The following SUPT3H variants were observed in gnomAD, a reference collection of about 807,000 sequenced individuals.
The protein encoded by SUPT3H is transcription initiation protein SPT3 homolog.
Under a neutral mutation model 44.3 loss-of-function variants are expected in SUPT3H, and 44 were observed. That is an observed-to-expected ratio of 0.99 (90% CI 0.78 to 1.28). The LOEUF (loss-of-function observed/expected upper bound fraction) is 1.28. Among genes scored for constraint, SUPT3H ranks in the 50% most tolerant of loss-of-function variants. The pLI is 0.00. For missense variants in SUPT3H, 380 were observed against 387.1 expected (o/e 0.98, Z 0.15); for synonymous variants, 124 against 125.6 (o/e 0.99, Z 0.09).
At chr6:45,218,549 G>A (rs998749904) in intron 2 of SUPT3H, among the ~76,000 whole-genome samples, 3 of 152,166 alleles carry the variant, frequency 2.0e-5, no homozygotes, top group African/African-American at 7.2e-5. Context: ...GACCAACATG[G>A]AGAAACCCCA....
intron 6 of SUPT3H, among the ~76,000 whole-genome samples, chr6:44,996,430 T>C (rs1447232081): frequency 1.3e-5 from 2 of 151,898 alleles, no homozygotes; most frequent in East Asian, 1.9e-4. Context: ...TTTTAATAAT[T>C]TTTGTGTTTT....
At chr6:44,821,457 A>AC (rs1391499683) in intron 11 of SUPT3H, among the ~76,000 whole-genome samples, 1 of 151,166 alleles carries the variant, frequency 6.6e-6, no homozygotes, top group African/African-American at 2.4e-5. Flanking sequence ...AACTACTACT[A>AC]CCCCCCTCTC....
intron 10 of SUPT3H, among the ~76,000 whole-genome samples, chr6:44,850,055 T>A (rs1299093549): frequency 5.3e-5 from 8 of 152,178 alleles, no homozygotes; most frequent in Non-Finnish European, 1.0e-4. Flanking sequence ...AGAGTGGATA[T>A]GAGGCCAAGA....
chr6:44,885,847 C>A (rs1762178265), intron 10 of SUPT3H, among the ~76,000 whole-genome samples: 1 of 151,918 alleles, frequency 6.6e-6, no homozygotes, highest in Admixed American at 6.6e-5. Context: ...AAACCAAAGG[C>A]AAAGAAGGTG....
intron 6 of SUPT3H, among the ~76,000 whole-genome samples, chr6:44,991,347 G>A (rs540972006): frequency 2.0e-5 from 3 of 152,142 alleles, no homozygotes; most frequent in South Asian, 4.2e-4. Flanking sequence ...CCCATGCTAA[G>A]GAATTAAGAC....
intron 2 of SUPT3H, among the ~76,000 whole-genome samples, chr6:45,317,480 C>T (rs957289985): frequency 5.9e-5 from 9 of 151,958 alleles, no homozygotes; most frequent in African/African-American, 9.7e-5. Context: ...CAGCATGGTA[C>T]GGGCATAAAA....
At chr6:45,234,956 T>C (rs1012698081) in intron 2 of SUPT3H, among the ~76,000 whole-genome samples, 2 of 152,162 alleles carry the variant, frequency 1.3e-5, no homozygotes, top group African/African-American at 4.8e-5. Flanking sequence ...AATGAACCAG[T>C]AGTTTACAAA....
intron 2 of SUPT3H, among the ~76,000 whole-genome samples, chr6:45,176,777 G>A (rs1028862983): frequency 3.3e-5 from 5 of 152,120 alleles, no homozygotes; most frequent in Non-Finnish European, 7.4e-5. Flanking sequence ...CCTGACCCCC[G>A]AGCAGCCTAA....
intron 3 of SUPT3H, among the ~76,000 whole-genome samples, chr6:45,082,899 T>C (rs1795997082): frequency 6.6e-6 from 1 of 152,140 alleles, no homozygotes; most frequent in African/African-American, 2.4e-5. Context: ...AGAAGGCTCC[T>C]AGAAATGATA....
chr6:45,312,555 T>C (rs1225494841), intron 2 of SUPT3H, among the ~76,000 whole-genome samples: 1 of 145,328 alleles, frequency 6.9e-6, no homozygotes, highest in Non-Finnish European at 1.5e-5. Flanking sequence ...TATATAATGA[T>C]AAAAGGCCTT....
chr6:45,075,559 T>A (rs958411099), intron 3 of SUPT3H, among the ~76,000 whole-genome samples: 1 of 152,148 alleles, frequency 6.6e-6, no homozygotes, highest in Non-Finnish European at 1.5e-5. Context: ...AATTTTCTCG[T>A]CATGAAATTC....
chr6:45,136,617 AC>A (rs1426361466), intron 2 of SUPT3H, among the ~76,000 whole-genome samples: 6 of 152,106 alleles, frequency 3.9e-5, no homozygotes, highest in African/African-American at 1.4e-4. Flanking sequence ...AAAAAAAAAA[AC>A]AGAAATTCTG....
At chr6:45,265,733 T>C (rs746077286) in intron 2 of SUPT3H, among the ~76,000 whole-genome samples, 12 of 152,022 alleles carry the variant, frequency 7.9e-5, no homozygotes, top group Non-Finnish European at 1.6e-4. Context: ...GTAAAATTAG[T>C]GTGTTCCCTG....
chr6:44,866,865 A>G (rs1775586522), intron 10 of SUPT3H, among the ~76,000 whole-genome samples: 1 of 152,228 alleles, frequency 6.6e-6, no homozygotes, highest in African/African-American at 2.4e-5. Flanking sequence ...GTAAACACAA[A>G]TCATTACCAA....
chr6:45,119,489 GCACA>G (rs930918906), intron 2 of SUPT3H, among the ~76,000 whole-genome samples: 6 of 152,048 alleles, frequency 3.9e-5, no homozygotes, highest in African/African-American at 1.4e-4. Flanking sequence ...AGTTCAGTGG[GCACA>G]CAAACTAGAT....
At chr6:45,257,286 T>C (rs1773563983) in intron 2 of SUPT3H, among the ~76,000 whole-genome samples, 1 of 152,180 alleles carries the variant, frequency 6.6e-6, no homozygotes. Context: ...AAATAAATTA[T>C]CCAAGGTCAC....
At position 44,828,546 on chromosome 6, in the gene SUPT3H, TAAG is replaced by T. The variant is rs1768055506; in HGVS notation, c.*1267_*1269del. Reference sequence around the variant, plus strand: ...TTTTTGAATCGCAACTATTACAATATAAGAAGGCAGGAAAGCTAATGACATAAC... The same window carrying T: ...TTTTTGAATCGCAACTATTACAATATAAGGCAGGAAAGCTAATGACATAAC... On this transcript the variant is annotated 3_prime_UTR_variant, in exon 11 of 11. Transcript: ENST00000371459. Among the ~76,000 whole-genome samples the T allele has an allele frequency of 6.6e-6, 1 of 152,144 alleles. No homozygotes were observed. The highest frequency in any genetic ancestry group is 2.4e-5 in the African/African-American group (1 of 41,436).
intron 2 of SUPT3H, among the ~76,000 whole-genome samples, chr6:45,289,049 T>C (rs1779877904): frequency 6.6e-6 from 1 of 152,148 alleles, no homozygotes; most frequent in African/African-American, 2.4e-5. Context: ...TAGTAACACA[T>C]TTCTTTTAAT....
At chr6:45,155,082 T>A (rs1459576134) in intron 2 of SUPT3H, among the ~76,000 whole-genome samples, 3 of 152,192 alleles carry the variant, frequency 2.0e-5, no homozygotes, top group Non-Finnish European at 4.4e-5. Context: ...AAAATGCATC[T>A]TACTGGGCTC....
Sources: allele counts gnomAD v4.1 joint callset (sites outside exome capture counted in the v4.1 genomes callset), GRCh38; gene constraint gnomAD v4.1.1; transcripts MANE v1.5; gene names NCBI Gene and HGNC (gene_info 2026-07-23, HGNC 2026-07-21).